The following PRICKLE1 variants were observed in gnomAD, a reference collection of about 807,000 sequenced individuals.
PRICKLE1 encodes the protein prickle planar cell polarity protein 1.
Under a neutral mutation model 70.2 loss-of-function variants are expected in PRICKLE1, and 14 were observed. That is an observed-to-expected ratio of 0.20 (90% CI 0.13 to 0.31). PRICKLE1 has a LOEUF of 0.31. Ranked by LOEUF, PRICKLE1 falls within the 10% of genes least tolerant of loss-of-function variation. PRICKLE1 has a pLI of 1.00. For synonymous variants in PRICKLE1, 357 were observed against 379.9 expected (o/e 0.94, Z 0.70); for missense variants, 821 against 1,026.2 (o/e 0.80, Z 2.73).
intron 1 of PRICKLE1, among the ~76,000 whole-genome samples, chr12:42,497,871 G>A (rs531376387): frequency 1.3e-5 from 2 of 152,088 alleles, no homozygotes; most frequent in South Asian, 2.1e-4. Flanking sequence ...CTACTCCTAC[G>A]GCTGCTGCCT....
rs117080988 is a variant in PRICKLE1, at chr12:42,540,083, T to C, written c.-49+49382A>G. 3.4e-3 allele frequency among the ~76,000 whole-genome samples: 520 copies of C among 152,342 alleles called. 19 individuals carry two copies. The East Asian group carries it at 0.048, about 14-fold the overall frequency. ...CATCATGAACCTCCCTGGTTTTGTT[T>C]AAGATGGTGTTTTTCACATTAAAAG... On this transcript the variant is annotated intron_variant, in intron 1 of 7. Coordinates refer to ENST00000345127, the MANE Select transcript of PRICKLE1 (RefSeq NM_153026.3).
rs1165014527 is a variant in PRICKLE1 at position 42,495,398 on chromosome 12, AAAAG to A, written c.-48-22838_-48-22835del. Reference sequence around the variant, plus strand: ...CTTGTCTCAAAAAAAAAAAAAAAAAAAAAGAGAGAGAGAGAGAGAGGTGTTGCGT... The same window carrying A: ...CTTGTCTCAAAAAAAAAAAAAAAAAAAGAGAGAGAGAGAGAGGTGTTGCGT... On this transcript the variant is annotated intron_variant, in intron 1 of 7. Transcript: ENST00000345127. 4.5e-4 allele frequency among the ~76,000 whole-genome samples: 68 copies of A among 149,468 alleles called. No individual in the cohort carries two copies. In the East Asian group the frequency reaches 8.1e-3, roughly 18 times the overall value.
At chr12:42,512,213 C>A (rs924554941) in intron 1 of PRICKLE1, among the ~76,000 whole-genome samples, 5 of 152,196 alleles carry the variant, frequency 3.3e-5, no homozygotes, top group African/African-American at 1.2e-4. Flanking sequence ...CTCTGTCACC[C>A]AGGATGGAGT....
chr12:42,510,738 C>A (rs967864264), intron 1 of PRICKLE1, among the ~76,000 whole-genome samples: 1 of 151,966 alleles, frequency 6.6e-6, no homozygotes, highest in Non-Finnish European at 1.5e-5. Context: ...TTTGCATCTT[C>A]GTAAAAATGG....
At chr12:42,575,143 A>T (rs1940783252) in intron 1 of PRICKLE1, among the ~76,000 whole-genome samples, 1 of 152,124 alleles carries the variant, frequency 6.6e-6, no homozygotes, top group Non-Finnish European at 1.5e-5. Flanking sequence ...AGTGAAACTA[A>T]AGAGTAAATA....
At chr12:42,499,657 G>A (rs925329289) in intron 1 of PRICKLE1, among the ~76,000 whole-genome samples, 1 of 151,894 alleles carries the variant, frequency 6.6e-6, no homozygotes, top group Non-Finnish European at 1.5e-5. Flanking sequence ...CTGACCTCAG[G>A]TGATCCATCC....
Position 42,464,539 on chromosome 12 carries a change from C to T in PRICKLE1, c.1495G>A (p.Glu499Lys). The part of the protein sequence containing the change: ...PGPASSRRLQ[E>K]LELDHGASGY... ...GAAGCCCCATGGTCCAGTTCCAATT[C>T]CTGAAGCCTTCTACTGCTTGCAGGG... The change falls in exon 7 of 8, where the codon GAA becomes AAA. Residue 499 changes from glutamate (E) to lysine (K), a missense_variant. Transcript: ENST00000345127. This position sits in a 1 kb window ranked among gnomAD's most constrained non-coding sequence, Gnocchi z 4.2. 6.2e-7 allele frequency: 1 copy of T among 1,613,928 alleles called. No individual in the cohort carries two copies. The highest frequency in any genetic ancestry group is 1.1e-5 in the South Asian group (1 of 91,072).
At chr12:42,548,445 A>G (rs1940250323) in intron 1 of PRICKLE1, among the ~76,000 whole-genome samples, 2 of 152,250 alleles carry the variant, frequency 1.3e-5, no homozygotes, top group African/African-American at 2.4e-5. Flanking sequence ...ATAGAAGACA[A>G]AAAGCGGGGA....
At chr12:42,521,036 T>G (rs1341445387) in intron 1 of PRICKLE1, among the ~76,000 whole-genome samples, 2 of 152,130 alleles carry the variant, frequency 1.3e-5, no homozygotes, top group Non-Finnish European at 2.9e-5. Flanking sequence ...TTGGGCATGC[T>G]GGTGCACGCC....
At chr12:42,523,886 G>T (rs1939754785) in intron 1 of PRICKLE1, among the ~76,000 whole-genome samples, 1 of 152,198 alleles carries the variant, frequency 6.6e-6, no homozygotes, top group Non-Finnish European at 1.5e-5. Context: ...TAGGTGTTTT[G>T]TAAATAACAT....
intron 1 of PRICKLE1, among the ~76,000 whole-genome samples, chr12:42,545,858 A>AG (rs1360911669): frequency 7.4e-5 from 10 of 135,538 alleles, no homozygotes; most frequent in South Asian, 2.8e-4. Flanking sequence ...TCAAAAAAGA[A>AG]AAAAAAAAAA....
intron 1 of PRICKLE1, among the ~76,000 whole-genome samples, chr12:42,499,162 A>G (rs781256091): frequency 1.4e-5 from 2 of 144,926 alleles, no homozygotes; most frequent in Non-Finnish European, 3.0e-5. Context: ...AATCATGTAC[A>G]TTTAAAAAAA....
chr12:42,527,939 A>C lies in PRICKLE1; in HGVS notation c.-48-55375T>G, dbSNP rs1416240727. Among the ~76,000 whole-genome samples, 135 of 29,866 alleles carry C rather than the reference A, an allele frequency of 4.5e-3. 10 individuals are homozygous for C. Among genetic ancestry groups the C allele is most frequent in the East Asian group, 0.027 (24 of 898 alleles). The allele number at this position is 29,866 out of a possible 152,430, so 19.6% of individuals were successfully genotyped here. The stretch of plus-strand genomic sequence containing the variant: ...ATAATATATATATATATATATATAT[A>C]TATATATATATATATATATATATAT... On this transcript the variant is annotated intron_variant, in intron 1 of 7. Coordinates refer to ENST00000345127, the MANE Select transcript of PRICKLE1 (RefSeq NM_153026.3).
chr12:42,500,504 G>A lies in PRICKLE1; in HGVS notation c.-48-27940C>T, dbSNP rs138666852. 7.9e-5 allele frequency among the ~76,000 whole-genome samples: 12 copies of A among 152,256 alleles called. No individual in the cohort carries two copies. In the East Asian group the frequency reaches 2.1e-3, roughly 27 times the overall value. ...TTATGCTGAACAAAAGAGAGACCAT[G>A]AGCATGGTTCAGTTGTTAGTTTGTG... is the stretch of plus-strand genomic sequence containing the variant. On this transcript the variant is annotated intron_variant, in intron 1 of 7. Transcript: ENST00000345127.
In PRICKLE1 at chr12:42,458,536, T is replaced by C. The variant is rs957623433; in HGVS notation, c.*1273A>G. On this transcript the variant is annotated 3_prime_UTR_variant, in exon 8 of 8. Transcript: ENST00000345127. The stretch of plus-strand genomic sequence containing the variant: ...CCTCATATTAACTTACAGTACTCAA[T>C]GGCACAGCATCCTCTAATTTAAAGA... The C allele has an allele frequency of 6.6e-6, 1 of 152,190 alleles. No homozygotes were observed. The highest frequency in any genetic ancestry group is 1.5e-5 in the Non-Finnish European group (1 of 68,040). 9.4% of individuals were successfully genotyped at this position (152,190 alleles called of 1,614,324 possible). A position where few individuals can be genotyped will look rare whatever the true frequency, so the allele number is the denominator to read the frequency against.
rs1170187462 is a variant in PRICKLE1, at chr12:42,465,839, G to A, written c.775+355C>T. ...TCAACAATGTACATTCAATAAGGCA[G>A]TGGCTTTAAGCAAAAACACACGTGA... On this transcript the variant is annotated intron_variant, in intron 6 of 7. Transcript: ENST00000345127. The A allele has an allele frequency of 1.1e-5, 4 of 376,936 alleles. No homozygotes were observed. The East Asian group carries it at 1.9e-4, about 18-fold the overall frequency. The allele number at this position is 376,936 out of a possible 1,614,324, so 23.3% of individuals were successfully genotyped here.
chr12:42,582,718 G>C (rs1940923804), intron 1 of PRICKLE1, among the ~76,000 whole-genome samples: 2 of 152,192 alleles, frequency 1.3e-5, no homozygotes, highest in Admixed American at 1.3e-4. Context: ...CCGACCCACG[G>C]ACCGTGGGCC....
intron 1 of PRICKLE1, among the ~76,000 whole-genome samples, chr12:42,561,357 CT>C (rs1940510212): frequency 6.6e-6 from 1 of 151,728 alleles, no homozygotes; most frequent in African/African-American, 2.4e-5. Context: ...TTCTGACCTT[CT>C]TTCTTCTACC....
rs145508056 is a variant in PRICKLE1 at position 42,589,606 on chromosome 12, G to C, written c.-190C>G. 555 of 152,716 alleles carry C rather than the reference G, an allele frequency of 3.6e-3. 7 individuals carry two copies. The highest frequency in any genetic ancestry group is 0.033 in the East Asian group (169 of 5,142). 9.5% of individuals were successfully genotyped at this position (152,716 alleles called of 1,614,324 possible). A position where few individuals can be genotyped will look rare whatever the true frequency, so the allele number is the denominator to read the frequency against. ...GTGAGCAGCGCACGAACCATCCAGA[G>C]CCCAGAAAGTCTCCGTGCCGACCGC... is the stretch of plus-strand genomic sequence containing the variant. On this transcript the variant is annotated 5_prime_UTR_variant, in exon 1 of 8. Coordinates refer to ENST00000345127, the MANE Select transcript of PRICKLE1 (RefSeq NM_153026.3). The surrounding 1 kb of genome is among the most constrained non-coding windows in gnomAD (Gnocchi z 5.0).
Sources: gnomAD v4.1 joint callset for allele counts (sites outside exome capture counted in the v4.1 genomes callset) on GRCh38, gnomAD v4.1.1 for gene constraint, Gnocchi (gnomAD v3.1) non-coding constraint, MANE v1.5 for transcripts, NCBI Gene and HGNC (gene_info 2026-07-23, HGNC 2026-07-21) for gene names.